Variants in TSPAN17 observed in about 807,000 individuals in gnomAD.
TSPAN17 encodes the protein tetraspanin 17.
Under a neutral mutation model 40.5 loss-of-function variants are expected in TSPAN17, and 33 were observed. The ratio of observed to expected loss-of-function variants is 0.81; its 90% confidence interval spans 0.62 to 1.09. TSPAN17 has a LOEUF of 1.09. TSPAN17 is among the 50% of genes least tolerant of loss of function. The probability of loss-of-function intolerance (pLI) is 0.00; values close to 1 mark genes in which losing one functional copy is unlikely to be tolerated. For missense variants in TSPAN17, 365 were observed against 416.8 expected (o/e 0.88, Z 1.08); for synonymous variants, 166 against 169.4 (o/e 0.98, Z 0.15).
Position 176,650,129 on chromosome 5 carries a change from G to A in TSPAN17, c.88-1487G>A, listed in dbSNP as rs1488655117. Among the ~76,000 whole-genome samples, 4 of 152,202 alleles carry A rather than the reference G, an allele frequency of 2.6e-5. No individual in the cohort carries two copies. The highest frequency in any genetic ancestry group is 9.6e-5 in the African/African-American group (4 of 41,456). On this transcript the variant is annotated intron_variant, in intron 1 of 8. Coordinates refer to ENST00000508164, the MANE Select transcript of TSPAN17 (RefSeq NM_130465.5). The surrounding 1 kb of genome is among the most constrained non-coding windows in gnomAD (Gnocchi z 4.0). Reference sequence around the variant, plus strand: ...ACCAGCGAATCCCCGGCATGGCGGCGATCAGTGCCGGTGGGTCGTGGAGGT... The same window carrying A: ...ACCAGCGAATCCCCGGCATGGCGGCAATCAGTGCCGGTGGGTCGTGGAGGT...
At chr5:176,657,409 C>T in intron 8 of TSPAN17, 109 bp from the exon 9 acceptor site, 2 of 1,516,100 alleles carry the variant, frequency 1.3e-6, no homozygotes, top group Non-Finnish European at 1.8e-6. Context: ...CTTCAGAGCA[C>T]TCTTTTCTAT....
chr5:176,650,163 C>G lies in TSPAN17; in HGVS notation c.88-1453C>G, dbSNP rs923933531. On this transcript the variant is annotated intron_variant, in intron 1 of 8. Transcript: ENST00000508164. The surrounding 1 kb of genome is among the most constrained non-coding windows in gnomAD (Gnocchi z 4.0). Reference sequence around the variant, plus strand: ...CGGTGGGTCGTGGAGGTGTTTGCTGCAGGCGGGTGGACGTAGGGGTGTGGG... The same window carrying G: ...CGGTGGGTCGTGGAGGTGTTTGCTGGAGGCGGGTGGACGTAGGGGTGTGGG... Among the ~76,000 whole-genome samples the G allele has an allele frequency of 6.6e-6, 1 of 152,098 alleles. No homozygotes were observed. Among genetic ancestry groups the G allele is most frequent in the Non-Finnish European group, 1.5e-5 (1 of 68,020 alleles).
chr5:176,655,435 T>C (rs1005472068), intron 5 of TSPAN17, among the ~76,000 whole-genome samples: 1 of 152,066 alleles, frequency 6.6e-6, no homozygotes, highest in Non-Finnish European at 1.5e-5. Flanking sequence ...CGTTGCAGGG[T>C]AGCAGGGAGT....
chr5:176,649,141 T>C (rs1018187112), intron 1 of TSPAN17, among the ~76,000 whole-genome samples: 1 of 151,780 alleles, frequency 6.6e-6, no homozygotes, highest in Non-Finnish European at 1.5e-5. Context: ...GCCTGGCTGC[T>C]GTGTGGAGGG....
intron 4 of TSPAN17, chr5:176,653,648 C>T (rs1047291830): frequency 1.3e-5 from 2 of 152,398 alleles, no homozygotes; most frequent in African/African-American, 4.8e-5. Context: ...CACCCGATCA[C>T]ACCCACACAC....
chr5:176,654,601 G>T lies in TSPAN17; in HGVS notation c.457-294G>T. 1 of 376,316 alleles carries T rather than the reference G, an allele frequency of 2.7e-6. No individual in the cohort carries two copies. Among genetic ancestry groups the T allele is most frequent in the African/African-American group, 2.1e-5 (1 of 48,180 alleles). 23.3% of individuals were successfully genotyped at this position (376,316 alleles called of 1,614,324 possible). A position where few individuals can be genotyped will look rare whatever the true frequency, so the allele number is the denominator to read the frequency against. The stretch of plus-strand genomic sequence containing the variant: ...TGGCCCAGCGCCTGCCTCTCAGGTA[G>T]TCTGGAGGAAGCCACAGTCATTGAA... On this transcript the variant is annotated intron_variant, in intron 4 of 8. Coordinates refer to ENST00000508164, the MANE Select transcript of TSPAN17 (RefSeq NM_130465.5). This position sits in a 1 kb window ranked among gnomAD's most constrained non-coding sequence, Gnocchi z 4.3.
chr5:176,650,043 A>G lies in TSPAN17; in HGVS notation c.88-1573A>G, dbSNP rs1051342324. On this transcript the variant is annotated intron_variant, in intron 1 of 8. Transcript: ENST00000508164. This position sits in a 1 kb window ranked among gnomAD's most constrained non-coding sequence, Gnocchi z 4.0. ...GCATCTGAGGTTTCCTTGTCTGCTCACTGACTGTCCATCTCCCCTGCTGGA... is the reference window on the plus strand; with the variant it reads ...GCATCTGAGGTTTCCTTGTCTGCTCGCTGACTGTCCATCTCCCCTGCTGGA... 1.3e-5 allele frequency among the ~76,000 whole-genome samples: 2 copies of G among 152,178 alleles called. No individual in the cohort carries two copies. The highest frequency in any genetic ancestry group is 6.5e-5 in the Admixed American group (1 of 15,288).
intron 3 of TSPAN17, 102 bp from the exon 4 acceptor site, chr5:176,652,641 G>A (rs1761013274): frequency 2.6e-6 from 3 of 1,164,346 alleles, no homozygotes; most frequent in Non-Finnish European, 3.7e-6. Context: ...CTGGGTCTTG[G>A]TGGAGGTAGG....
Position 176,647,654 on chromosome 5 carries a change from C to T in TSPAN17, c.39C>T (p.Val13=), listed in dbSNP as rs768807607. 74 of 1,601,896 alleles carry T rather than the reference C, an allele frequency of 4.6e-5. No individual in the cohort carries two copies. The highest frequency in any genetic ancestry group is 5.8e-5 in the Non-Finnish European group (68 of 1,174,862). The change falls in exon 1 of 9, where the codon GTC becomes GTT. Residue 13 remains valine (V), a synonymous_variant. Transcript: ENST00000508164. ...GKHQHFQEPE[V]GCCGKYFLFG... is the part of the protein sequence containing the mutation. The stretch of plus-strand genomic sequence containing the variant: ...ACCAGCATTTCCAGGAACCTGAGGT[C>T]GGCTGCTGCGGGAAATACTTCCTGT...
At chr5:176,656,554 T>G in intron 6 of TSPAN17, 146 bp from the exon 7 acceptor site, 1 of 747,796 alleles carries the variant, frequency 1.3e-6, no homozygotes, top group Non-Finnish European at 2.3e-6. Context: ...TGAGACCCCA[T>G]GAGAAGGAGC....
chr5:176,649,749 G>A (rs1365978383), intron 1 of TSPAN17, among the ~76,000 whole-genome samples: 1 of 152,158 alleles, frequency 6.6e-6, no homozygotes, highest in East Asian at 1.9e-4. Flanking sequence ...GTTTCTTACT[G>A]CTCCTAGAGT....
chr5:176,657,274 C>A, intron 8 of TSPAN17: 1 of 692,904 alleles, frequency 1.4e-6, no homozygotes, highest in Non-Finnish European at 2.4e-6. Flanking sequence ...TCAGAGGGTG[C>A]AGGCCAAGTG....
rs893868717 is a variant in TSPAN17, at chr5:176,654,585, G to A, written c.457-310G>A. The A allele has an allele frequency of 2.4e-5, 8 of 328,426 alleles. No homozygotes were observed. The highest frequency in any genetic ancestry group is 9.0e-5 in the Admixed American group (2 of 22,156). 20.3% of individuals were successfully genotyped at this position (328,426 alleles called of 1,614,324 possible). A position where few individuals can be genotyped will look rare whatever the true frequency, so the allele number is the denominator to read the frequency against. ...CTGCTGCCACAGGGCTTGGCCCAGC[G>A]CCTGCCTCTCAGGTAGTCTGGAGGA... On this transcript the variant is annotated intron_variant, in intron 4 of 8. Coordinates refer to ENST00000508164, the MANE Select transcript of TSPAN17 (RefSeq NM_130465.5). This position sits in a 1 kb window ranked among gnomAD's most constrained non-coding sequence, Gnocchi z 4.3.
In TSPAN17 at chr5:176,657,794, C is replaced by G; in HGVS notation, c.*96C>G. The G allele has an allele frequency of 6.6e-7, 1 of 1,510,834 alleles. No homozygotes were observed. Among genetic ancestry groups the G allele is most frequent in the East Asian group, 2.3e-5 (1 of 43,754 alleles). The allele number at this position is 1,510,834 out of a possible 1,614,324, so 93.6% of individuals were successfully genotyped here. A position where few individuals can be genotyped will look rare whatever the true frequency, so the allele number is the denominator to read the frequency against. On this transcript the variant is annotated 3_prime_UTR_variant, in exon 9 of 9. Coordinates refer to ENST00000508164, the MANE Select transcript of TSPAN17 (RefSeq NM_130465.5). ...GGCAACACTACCTGGGACACTGCCT[C>G]CCCAGTCACCAAGGGCCCCAGCTGG...
At position 176,658,905 on chromosome 5, in the gene TSPAN17, A is replaced by T. The variant is rs1761258871; in HGVS notation, c.*1207A>T. ...GTCCTGGCTGCTCTGTCATTGAGGG[A>T]TGCTGGGCACTGCTGCCGGGTGGCC... On this transcript the variant is annotated 3_prime_UTR_variant, in exon 9 of 9. Transcript: ENST00000508164. 6.6e-6 allele frequency: 1 copy of T among 152,304 alleles called. No individual in the cohort carries two copies. Among genetic ancestry groups the T allele is most frequent in the Non-Finnish European group, 1.5e-5 (1 of 68,088 alleles). 9.4% of individuals were successfully genotyped at this position (152,304 alleles called of 1,614,324 possible).
intron 5 of TSPAN17, 114 bp downstream of exon 5, chr5:176,655,134 G>A: frequency 2.2e-6 from 3 of 1,355,282 alleles, no homozygotes; most frequent in Non-Finnish European, 2.9e-6. Flanking sequence ...GGATGCTGGG[G>A]GACGTCATTT....
At chr5:176,648,852 A>G (rs770228356) in intron 1 of TSPAN17, among the ~76,000 whole-genome samples, 1 of 152,202 alleles carries the variant, frequency 6.6e-6, no homozygotes, top group Non-Finnish European at 1.5e-5. Context: ...TCTGCATTTT[A>G]CAGATGGGGA....
intron 1 of TSPAN17, among the ~76,000 whole-genome samples, chr5:176,649,963 A>T (rs1760900735): frequency 1.3e-5 from 2 of 151,774 alleles, no homozygotes; most frequent in Admixed American, 6.6e-5. Flanking sequence ...CTGGCGTCCA[A>T]CCCCAGCATC....
intron 4 of TSPAN17, 178 bp downstream of exon 4, chr5:176,653,091 TC>T: frequency 1.6e-6 from 1 of 633,444 alleles, no homozygotes; most frequent in Non-Finnish European, 2.7e-6. Context: ...TCCTTATGGG[TC>T]CCCATTTGCC....
Sources: gnomAD v4.1 joint callset for allele counts (sites outside exome capture counted in the v4.1 genomes callset) on GRCh38, gnomAD v4.1.1 for gene constraint, Gnocchi (gnomAD v3.1) non-coding constraint, MANE v1.5 for transcripts, NCBI Gene and HGNC (gene_info 2026-07-23, HGNC 2026-07-21) for gene names.